Variants in TRIOBP observed in about 807,000 individuals in gnomAD.
TRIOBP encodes TRIO and F-actin binding protein, also known as TRIO and F-actin-binding protein.
In TRIOBP, 169 loss-of-function variants were observed where a neutral mutation model predicts 238.8. The ratio of observed to expected loss-of-function variants is 0.71; its 90% CI spans 0.62 to 0.80. The LOEUF (loss-of-function observed/expected upper bound fraction) is 0.80. Among genes scored for constraint, TRIOBP ranks in the 30% least tolerant of loss-of-function variants. The pLI is 0.00. For missense variants in TRIOBP, 2,838 were observed against 3,122.6 expected (o/e 0.91, Z 2.17); for synonymous variants, 1,150 against 1,274.4 (o/e 0.90, Z 2.08).
intron 3 of TRIOBP, among the ~76,000 whole-genome samples, chr22:37,708,610 T>G (rs1035882087): frequency 6.6e-6 from 1 of 152,036 alleles, no homozygotes; most frequent in Non-Finnish European, 1.5e-5. Flanking sequence ...CCCTAGGAGG[T>G]GGGTCCTGCT....
intron 11 of TRIOBP, chr22:37,751,421 CTCTCAGGGGG>C: frequency 2.6e-6 from 1 of 390,178 alleles, no homozygotes; most frequent in East Asian, 5.9e-5. Flanking sequence ...GCCCTCTGAG[CTCTCAGGGGG>C]TCTCTATGCA....
At chr22:37,705,270 G>A (rs1360485450) in intron 3 of TRIOBP, among the ~76,000 whole-genome samples, 2 of 151,108 alleles carry the variant, frequency 1.3e-5, no homozygotes, top group Non-Finnish European at 2.9e-5. Context: ...AGGTACTTAG[G>A]AGGCTGAGGC....
In TRIOBP at chr22:37,767,994, T is replaced by C. The variant is rs140337028; in HGVS notation, c.6473-80T>C. The C allele has an allele frequency of 4.4e-4, 457 of 1,045,828 alleles. 1 individual carries two copies. The East Asian group carries it at 0.01, about 24-fold the overall frequency. The allele number at this position is 1,045,828 out of a possible 1,614,324, so 64.8% of individuals were successfully genotyped here. ...GTCCACATAGTACTCCACCAGTACA[T>C]GTGGCGTCTCAGAGCTGGTGGCACT... On this transcript the variant is annotated intron_variant, in intron 18 of 23. Coordinates refer to ENST00000644935, the MANE Select transcript of TRIOBP (RefSeq NM_001039141.3).
At chr22:37,746,217 A>G (rs1196765112) in intron 11 of TRIOBP, 1 of 903,290 alleles carries the variant, frequency 1.1e-6, no homozygotes, top group Non-Finnish European at 1.4e-6. Flanking sequence ...GGAAGTTTGA[A>G]AAAAAAAAAA....
At chr22:37,709,669 T>C (rs1242877413) in intron 3 of TRIOBP, among the ~76,000 whole-genome samples, 2 of 151,836 alleles carry the variant, frequency 1.3e-5, no homozygotes, top group Non-Finnish European at 2.9e-5. Context: ...TCTCCAGAGG[T>C]GGGGAGGAAT....
At position 37,768,898 on chromosome 22, in the gene TRIOBP, A is replaced by G. The variant is rs1926627022; in HGVS notation, c.6576-130A>G. On this transcript the variant is annotated intron_variant, in intron 19 of 23. Coordinates refer to ENST00000644935, the MANE Select transcript of TRIOBP (RefSeq NM_001039141.3). ...GAAGCTGTCACTGGTTCACAGCCCC[A>G]CAGCAGGCTAAAGGCAAACCTAGAG... 7 of 1,285,016 alleles carry G rather than the reference A, an allele frequency of 5.4e-6. No individual in the cohort carries two copies. In the Admixed American group the frequency reaches 1.0e-4, roughly 19 times the overall value. 79.6% of individuals were successfully genotyped at this position (1,285,016 alleles called of 1,614,324 possible).
At position 37,765,802 on chromosome 22, in the gene TRIOBP, G is replaced by A; in HGVS notation, c.6457G>A (p.Ala2153Thr). ...EKEWLLAEET[A>T]ATASAIEAMK... ...GGAGTGGCTCCTGGCTGAGGAGACG[G>A]CAGCCACGGCCTCAGGTATGGACCC... is the stretch of plus-strand genomic sequence containing the variant. The change falls in exon 18 of 24, where the codon GCA becomes ACA. Residue 2153 changes from alanine (A) to threonine (T), a missense_variant. By Grantham distance (58) the Ala-to-Thr change is moderately conservative (BLOSUM62 0). Transcript: ENST00000644935. The A allele has an allele frequency of 6.3e-7, 1 of 1,581,368 alleles. No individual in the cohort carries two copies.
chr22:37,709,656 C>T (rs903919579), intron 3 of TRIOBP, among the ~76,000 whole-genome samples: 2 of 152,188 alleles, frequency 1.3e-5, no homozygotes, highest in Non-Finnish European at 2.9e-5. Context: ...AGGGAACTGC[C>T]GCTCTCCAGA....
At chr22:37,736,030 G>C (rs1924652963) in intron 9 of TRIOBP, among the ~76,000 whole-genome samples, 1 of 152,256 alleles carries the variant, frequency 6.6e-6, no homozygotes, top group South Asian at 2.1e-4. Flanking sequence ...ACAGAGAAGA[G>C]GGTGCATCAA....
At chr22:37,746,507 G>A in intron 11 of TRIOBP, 7 of 1,165,806 alleles carry the variant, frequency 6.0e-6, no homozygotes, top group Non-Finnish European at 7.7e-6. Context: ...CTCCGGGGCA[G>A]CCCCCTCCTC....
rs758506479 is a variant in TRIOBP at position 37,725,911 on chromosome 22, G to A, written c.3355G>A (p.Ala1119Thr). The change falls in exon 7 of 24, where the codon GCA becomes ACA. Residue 1119 changes from alanine (A) to threonine (T), a missense_variant. Transcript: ENST00000644935. ...ACCTGTGTGTATTGGGTACCGAGAT[G>A]CACCCCGGGCCTCCTCCCCACCACG... ...PAPVCIGYRD[A>T]PRASSPPRQA... The A allele has an allele frequency of 5.0e-6, 8 of 1,613,072 alleles. No individual in the cohort carries two copies. The African/African-American group carries it at 9.4e-5, about 19-fold the overall frequency.
chr22:37,712,244 A>G (rs535254428), intron 4 of TRIOBP, among the ~76,000 whole-genome samples: 7 of 152,192 alleles, frequency 4.6e-5, no homozygotes, highest in African/African-American at 1.2e-4. Context: ...CTGGAGTGCA[A>G]TGACACGATG....
rs756355044 is a variant in TRIOBP at position 37,726,477 on chromosome 22, G to A, written c.3921G>A (p.Val1307=). Residue 1307 remains valine (V), a synonymous_variant, in exon 7 of 24, where the codon GTG becomes GTA. Coordinates refer to ENST00000644935, the MANE Select transcript of TRIOBP (RefSeq NM_001039141.3). ...CCCACAGCCCTGGCCGTGCAGAGGT[G>A]GAGCGCCTCTTCGGGCAAGAGCGCA... ...GRTHSPGRAE[V]ERLFGQERRK... The A allele has an allele frequency of 1.9e-6, 3 of 1,541,726 alleles. No homozygotes were observed. Among genetic ancestry groups the A allele is most frequent in the Non-Finnish European group, 2.6e-6 (3 of 1,149,650 alleles).
At chr22:37,755,309 A>G (rs1206152220) in intron 14 of TRIOBP, 119 bp downstream of exon 14, 6 of 1,118,616 alleles carry the variant, frequency 5.4e-6, no homozygotes, top group Non-Finnish European at 3.9e-6. Flanking sequence ...TCATTTACCC[A>G]GAGGCCCTAT....
intron 5 of TRIOBP, among the ~76,000 whole-genome samples, chr22:37,713,950 ACC>A (rs926974136): frequency 2.6e-5 from 4 of 152,054 alleles, no homozygotes; most frequent in African/African-American, 9.7e-5. Flanking sequence ...GTCCCAGGAG[ACC>A]CCCCAAAAGG....
chr22:37,740,892 C>T lies in TRIOBP; in HGVS notation c.5185-3C>T. The T allele has an allele frequency of 6.4e-7, 1 of 1,571,052 alleles. No homozygotes were observed. The highest frequency in any genetic ancestry group is 8.6e-7 in the Non-Finnish European group (1 of 1,157,886). On this transcript the variant is annotated splice_region_variant and splice_polypyrimidine_tract_variant and intron_variant, in intron 10 of 23. Transcript: ENST00000644935. ...GGGGCCAACACTGGACCCTGTTTGA[C>T]AGGCAGACAAGAGGCCAGCAGAGGG...
chr22:37,735,572 C>T, intron 9 of TRIOBP, 130 bp downstream of exon 9: 12 of 1,088,336 alleles, frequency 1.1e-5, no homozygotes, highest in Non-Finnish European at 1.2e-5. Context: ...CCTCAGCCTC[C>T]CTGCTGACCA....
At position 37,733,386 on chromosome 22, in the gene TRIOBP, C is replaced by T; in HGVS notation, c.4036C>T (p.Gln1346Ter). ...AGGCCAGAGCCAACTTCTCCGAAGA[C>T]AGTCCAGCCCTGCCCCCAGCAGGCA... Reference protein sequence around the residue: ...SQGQSQLLRRQSSPAPSRQVT... With the variant: ...SQGQSQLLRR The change falls in exon 8 of 24, where the codon CAG (glutamine) becomes TAG (stop). Residue 1346 changes from glutamine to a stop codon, truncating the protein, a stop_gained. Coordinates refer to ENST00000644935, the MANE Select transcript of TRIOBP (RefSeq NM_001039141.3). LOFTEE classifies it high-confidence loss of function. The T allele has an allele frequency of 1.3e-6, 2 of 1,551,096 alleles. No homozygotes were observed. Among genetic ancestry groups the T allele is most frequent in the Admixed American group, 2.0e-5 (1 of 51,076 alleles).
intron 11 of TRIOBP, chr22:37,751,455 C>T (rs899430915): frequency 3.8e-5 from 17 of 445,690 alleles, no homozygotes; most frequent in Non-Finnish European, 7.1e-5. Context: ...AGAGTCCTCC[C>T]AGCCCCTCTC....
Sources: allele counts gnomAD v4.1 joint callset (sites outside exome capture counted in the v4.1 genomes callset), GRCh38; gene constraint gnomAD v4.1.1; transcripts MANE v1.5; gene names NCBI Gene and HGNC (gene_info 2026-07-23, HGNC 2026-07-21).